Variants in CIB2 observed in about 807,000 individuals in gnomAD.
CIB2 encodes calcium and integrin-binding family member 2.
In CIB2, 19 loss-of-function variants were observed where a neutral mutation model predicts 23.1. The ratio of observed to expected loss-of-function variants is 0.82; its 90% CI spans 0.57 to 1.21. The LOEUF (loss-of-function observed/expected upper bound fraction) is 1.21. Among genes scored for constraint, CIB2 ranks in the 50% most tolerant of loss-of-function variants. CIB2 has a pLI of 0.00. For missense variants in CIB2, 220 were observed against 241.5 expected (o/e 0.91, Z 0.59); for synonymous variants, 94 against 91.7 (o/e 1.03, Z -0.14).
chr15:78,109,197 CACCGCATATTCAGG>C, intron 4 of CIB2, 24 bp downstream of exon 4: 11 of 1,273,602 alleles, frequency 8.6e-6, no homozygotes, highest in Admixed American at 1.9e-5. Flanking sequence ...CATGTTCCCC[CACCGCATATTCAGG>C]CCCCCTCCTC....
At chr15:78,112,963 T>C (rs2141894419) in intron 2 of CIB2, among the ~76,000 whole-genome samples, 1 of 152,370 alleles carries the variant, frequency 6.6e-6, no homozygotes, top group South Asian at 2.1e-4. Flanking sequence ...TGCCAGGCCC[T>C]GAACTAATCT....
At chr15:78,110,221 C>T (rs1420360746) in intron 3 of CIB2, among the ~76,000 whole-genome samples, 3 of 152,250 alleles carry the variant, frequency 2.0e-5, no homozygotes, top group Non-Finnish European at 4.4e-5. Context: ...CCTTCCATCC[C>T]AACTGAGCTA....
chr15:78,128,327 G>C (rs2074408701), intron 1 of CIB2, among the ~76,000 whole-genome samples: 1 of 152,200 alleles, frequency 6.6e-6, no homozygotes, highest in Non-Finnish European at 1.5e-5. Flanking sequence ...GGAGGGCTTG[G>C]CTAGAAGCCC....
chr15:78,121,536 T>A (rs2074319047), intron 2 of CIB2, among the ~76,000 whole-genome samples: 1 of 152,154 alleles, frequency 6.6e-6, no homozygotes, highest in Non-Finnish European at 1.5e-5. Flanking sequence ...AGGGACCTGG[T>A]GGGAGGTAAT....
At chr15:78,106,053 G>A (rs1477183107) in intron 4 of CIB2, 119 bp from the exon 5 acceptor site, 6 of 765,088 alleles carry the variant, frequency 7.8e-6, no homozygotes, top group Non-Finnish European at 1.3e-5. Flanking sequence ...TGTCCCCAGA[G>A]CATCTCCATG....
chr15:78,110,600 C>A, intron 3 of CIB2: 1 of 451,184 alleles, frequency 2.2e-6, no homozygotes. Flanking sequence ...ATAAGGAACT[C>A]ATGAAACGAA....
chr15:78,110,172 G>A (rs968782483), intron 3 of CIB2, among the ~76,000 whole-genome samples: 3 of 152,218 alleles, frequency 2.0e-5, no homozygotes, highest in Non-Finnish European at 2.9e-5. Context: ...AGCTGTACAC[G>A]GATGCCTTCC....
At chr15:78,113,517 C>CTTCTTTCTTTCTTTCTTTCT (rs765344309) in intron 2 of CIB2, among the ~76,000 whole-genome samples, 1 of 145,036 alleles carries the variant, frequency 6.9e-6, no homozygotes, top group Admixed American at 7.2e-5. Flanking sequence ...ATTCATGCAT[C>CTTCTTTCTTTCTTTCTTTCT]TTCTTTCTTT....
chr15:78,115,109 A>G (rs1300821179), intron 2 of CIB2, among the ~76,000 whole-genome samples: 1 of 152,244 alleles, frequency 6.6e-6, no homozygotes, highest in Admixed American at 6.5e-5. Flanking sequence ...ATGTGAATAC[A>G]GAAAAATATC....
rs1054728914 is a variant in CIB2 at position 78,109,271 on chromosome 15, G to A, written c.310C>T (p.Arg104Ter). 1.2e-5 allele frequency: 19 copies of A among 1,611,358 alleles called. No homozygotes were observed. Among genetic ancestry groups the A allele is most frequent in the African/African-American group, 4.1e-5 (3 of 73,662 alleles). Residue 104 changes from arginine (R) to a stop codon, truncating the protein, a stop_gained, in exon 4 of 6, where the codon CGA (arginine) becomes TGA (stop). Coordinates refer to ENST00000258930, the MANE Select transcript of CIB2 (RefSeq NM_006383.4). LOFTEE classifies it high-confidence loss of function. Reference protein sequence around the residue: ...MFSVLCESAPRELKANYAFKI... With the variant: ...MFSVLCESAP The stretch of plus-strand genomic sequence containing the variant: ...AAGGCATAGTTTGCCTTGAGCTCTC[G>A]GGGAGCCGACTCGCAGAGCACGGAA...
chr15:78,113,240 G>T (rs1406420622), intron 2 of CIB2, among the ~76,000 whole-genome samples: 1 of 152,110 alleles, frequency 6.6e-6, no homozygotes, highest in Non-Finnish European at 1.5e-5. Flanking sequence ...AATGCCACAT[G>T]CCCACTTTGC....
chr15:78,118,232 T>C (rs2074266879), intron 2 of CIB2, among the ~76,000 whole-genome samples: 1 of 152,162 alleles, frequency 6.6e-6, no homozygotes, highest in Admixed American at 6.5e-5. Flanking sequence ...GTCACTAAAA[T>C]GTTAGTGATT....
At chr15:78,119,539 G>T (rs1296203667) in intron 2 of CIB2, among the ~76,000 whole-genome samples, 1 of 151,940 alleles carries the variant, frequency 6.6e-6, no homozygotes, top group Non-Finnish European at 1.5e-5. Flanking sequence ...TTTACAATTT[G>T]CCTAAGGAAA....
Position 78,131,098 on chromosome 15 carries a change from G to T in CIB2, c.51+67C>A. Reference sequence around the variant, plus strand: ...TGGCTCTCGGGAGGCCTCGGCCAGCGACCGAGAAAAGGGAGGGGCGGCGGG... The same window carrying T: ...TGGCTCTCGGGAGGCCTCGGCCAGCTACCGAGAAAAGGGAGGGGCGGCGGG... On this transcript the variant is annotated intron_variant, in intron 1 of 5. Transcript: ENST00000258930. This position sits in a 1 kb window ranked among gnomAD's most constrained non-coding sequence, Gnocchi z 5.8. 1.4e-6 allele frequency: 2 copies of T among 1,432,076 alleles called. No homozygotes were observed. The highest frequency in any genetic ancestry group is 1.2e-5 in the South Asian group (1 of 80,196). The allele number at this position is 1,432,076 out of a possible 1,614,324, so 88.7% of individuals were successfully genotyped here. A position where few individuals can be genotyped will look rare whatever the true frequency, so the allele number is the denominator to read the frequency against.
At chr15:78,124,150 C>CA (rs2074353540) in intron 1 of CIB2, among the ~76,000 whole-genome samples, 1 of 152,120 alleles carries the variant, frequency 6.6e-6, no homozygotes, top group African/African-American at 2.4e-5. Context: ...CATGGGGTGC[C>CA]ATCCTCACTG....
At chr15:78,115,931 T>G (rs1260848823) in intron 2 of CIB2, among the ~76,000 whole-genome samples, 1 of 151,994 alleles carries the variant, frequency 6.6e-6, no homozygotes, top group African/African-American at 2.4e-5. Flanking sequence ...GGAGCACTAA[T>G]CAATGTACTA....
chr15:78,108,447 C>T (rs1051008668), intron 4 of CIB2, among the ~76,000 whole-genome samples: 3 of 151,996 alleles, frequency 2.0e-5, no homozygotes, highest in Non-Finnish European at 2.9e-5. Flanking sequence ...GGGGTGAGCT[C>T]GTGGGTATGA....
At chr15:78,119,536 T>A (rs1015319843) in intron 2 of CIB2, among the ~76,000 whole-genome samples, 1 of 152,344 alleles carries the variant, frequency 6.6e-6, no homozygotes, top group East Asian at 1.9e-4. Flanking sequence ...ACTTTTACAA[T>A]TTGCCTAAGG....
intron 2 of CIB2, chr15:78,120,842 G>T: frequency 1.9e-6 from 1 of 539,208 alleles, no homozygotes; most frequent in Non-Finnish European, 2.4e-6. Flanking sequence ...AACCATCCTG[G>T]TGGGGGTGGG....
Sources: allele counts gnomAD v4.1 joint callset (sites outside exome capture counted in the v4.1 genomes callset), GRCh38; gene constraint gnomAD v4.1.1; non-coding constraint Gnocchi (gnomAD v3.1); transcripts MANE v1.5; gene names NCBI Gene and HGNC (gene_info 2026-07-23, HGNC 2026-07-21).